Variants in ATAD5 observed in about 807,000 individuals in gnomAD.
ATAD5 encodes the protein ATPase family AAA domain-containing protein 5.
Under a neutral mutation model 176.9 loss-of-function variants are expected in ATAD5, and 58 were observed. That is an observed-to-expected ratio of 0.33 (90% CI 0.27 to 0.41). ATAD5 has a LOEUF of 0.41. Ranked by LOEUF, ATAD5 falls within the 10% of genes least tolerant of loss-of-function variation. ATAD5 has a pLI of 1.00. For missense variants in ATAD5, 1,789 were observed against 2,094.1 expected (o/e 0.85, Z 2.84); for synonymous variants, 640 against 712.6 (o/e 0.90, Z 1.62).
intron 9 of ATAD5, among the ~76,000 whole-genome samples, chr17:30,858,937 T>C (rs1013602911): frequency 6.6e-6 from 1 of 152,214 alleles, no homozygotes; most frequent in Admixed American, 6.5e-5. Context: ...GGTCTTGCCA[T>C]GTTGCCCAGG....
chr17:30,860,055 A>G (rs1907531241), intron 9 of ATAD5, among the ~76,000 whole-genome samples: 1 of 151,790 alleles, frequency 6.6e-6, no homozygotes, highest in African/African-American at 2.4e-5. Context: ...ACAGGGTCTC[A>G]CTTTGTCGCC....
chr17:30,860,704 T>C, intron 10 of ATAD5, 92 bp downstream of exon 10: 1 of 1,015,950 alleles, frequency 9.8e-7, no homozygotes, highest in South Asian at 2.3e-5. Context: ...ATATGCTTTT[T>C]AAAAAATTTT....
At chr17:30,868,927 C>T (rs2142396730) in intron 12 of ATAD5, among the ~76,000 whole-genome samples, 1 of 148,032 alleles carries the variant, frequency 6.8e-6, no homozygotes, top group South Asian at 2.2e-4. Flanking sequence ...ACCTCCACCT[C>T]CTGGGTTCAA....
At chr17:30,854,926 T>C (rs1216718904) in intron 6 of ATAD5, among the ~76,000 whole-genome samples, 4 of 151,942 alleles carry the variant, frequency 2.6e-5, no homozygotes, top group Non-Finnish European at 4.4e-5. Flanking sequence ...ACCTGGCTAA[T>C]TTTTGTATTT....
chr17:30,844,333 A>C (rs932282670), intron 5 of ATAD5, among the ~76,000 whole-genome samples: 2 of 151,840 alleles, frequency 1.3e-5, no homozygotes, highest in African/African-American at 2.4e-5. Flanking sequence ...GGGTTTCACC[A>C]TGTTAGCCAG....
intron 22 of ATAD5, 50 bp from the exon 23 acceptor site, chr17:30,894,785 A>C: frequency 6.5e-7 from 1 of 1,548,688 alleles, no homozygotes; most frequent in East Asian, 2.3e-5. Flanking sequence ...ATATTTTCAT[A>C]AGATGAAAAT....
At position 30,879,450 on chromosome 17, in the gene ATAD5, G is replaced by A. The variant is rs768396417; in HGVS notation, c.4040G>A (p.Gly1347Asp). Residue 1347 changes from glycine (G) to aspartate (D), a missense_variant, in exon 18 of 23, where the codon GGC becomes GAC. Physicochemically the swap from Gly to Asp is moderately conservative, Grantham distance 94. Around this residue, in one of 6 missense-constraint regions of ATAD5, gnomAD observed 194 missense variants for 270.1 expected, o/e 0.72. Transcript: ENST00000321990. ...CCAACATTTAGTTTAATGTTTGATG[G>A]CTGCTTTGAAGAAATCAAGTTCAGT... ...SDPTFSLMFD[G>D]CFEEIKFSTP... The A allele has an allele frequency of 6.3e-7, 1 of 1,589,884 alleles. No homozygotes were observed. The highest frequency in any genetic ancestry group is 8.5e-7 in the Non-Finnish European group (1 of 1,173,346).
chr17:30,891,088 A>G (rs1013586941), intron 19 of ATAD5, among the ~76,000 whole-genome samples: 3 of 152,160 alleles, frequency 2.0e-5, no homozygotes, highest in African/African-American at 7.2e-5. Flanking sequence ...AAATGTCTGT[A>G]ATATTGATGG....
chr17:30,859,703 C>T (rs1485724469), intron 9 of ATAD5, among the ~76,000 whole-genome samples: 5 of 149,176 alleles, frequency 3.4e-5, no homozygotes, highest in Non-Finnish European at 7.4e-5. Context: ...CTTTGTTGCC[C>T]AGGCTAGAAT....
Position 30,869,582 on chromosome 17 carries a change from C to A in ATAD5, c.3543C>A (p.Asp1181Glu). Reference protein sequence around the residue: ...LKEATQSHQVDKQGVNSQKPC... With the variant: ...LKEATQSHQVEKQGVNSQKPC... ...AAGCTACTCAGTCCCATCAAGTAGA[C>A]AAACAAGGTGTAAACTCACAAAAAC... is the stretch of plus-strand genomic sequence containing the variant. The change falls in exon 14 of 23, where the codon GAC becomes GAA. Residue 1181 changes from aspartate (D) to glutamate (E), a missense_variant. Asp to Glu is a conservative substitution (Grantham distance 45, BLOSUM62 2). Around this residue, in one of 6 missense-constraint regions of ATAD5, gnomAD observed 194 missense variants for 270.1 expected, o/e 0.72. Transcript: ENST00000321990. The A allele has an allele frequency of 1.2e-6, 2 of 1,608,718 alleles. No individual in the cohort carries two copies. The highest frequency in any genetic ancestry group is 1.1e-5 in the South Asian group (1 of 89,532).
At chr17:30,878,744 T>G (rs949836359) in intron 17 of ATAD5, among the ~76,000 whole-genome samples, 1 of 133,712 alleles carries the variant, frequency 7.5e-6, no homozygotes, top group African/African-American at 2.8e-5. Context: ...TTTTTTTTTT[T>G]TTTTGGAGAC....
At chr17:30,850,859 ATATATATATATTTTTTTTTTTTTT>A (rs1906890767) in intron 6 of ATAD5, among the ~76,000 whole-genome samples, 5 of 28,560 alleles carry the variant, frequency 1.8e-4, no homozygotes, top group Admixed American at 5.5e-4. Flanking sequence ...ATATATATAT[ATATATATATATTTTTTTTTTTTTT>A]TTTTTTTTTT....
chr17:30,844,162 T>C, intron 5 of ATAD5, 123 bp downstream of exon 5: 2 of 918,766 alleles, frequency 2.2e-6, no homozygotes, highest in Non-Finnish European at 2.9e-6. Context: ...GGAGTCTCGC[T>C]TTGTCACTCA....
At chr17:30,856,159 G>A (rs1271408986) in intron 7 of ATAD5, among the ~76,000 whole-genome samples, 2 of 152,216 alleles carry the variant, frequency 1.3e-5, no homozygotes, top group African/African-American at 4.8e-5. Flanking sequence ...GGCAAGCACA[G>A]AGGGAACCTC....
At chr17:30,866,697 C>T (rs568545947) in intron 11 of ATAD5, among the ~76,000 whole-genome samples, 1 of 152,050 alleles carries the variant, frequency 6.6e-6, no homozygotes, top group Non-Finnish European at 1.5e-5. Context: ...CGCCTGTAAT[C>T]CTGGCTACTG....
chr17:30,856,616 A>G (rs934932079), intron 7 of ATAD5, among the ~76,000 whole-genome samples: 1 of 152,138 alleles, frequency 6.6e-6, no homozygotes, highest in Non-Finnish European at 1.5e-5. Flanking sequence ...ACCTCAAGTG[A>G]TCCACCTGCC....
At chr17:30,890,424 T>C (rs1042856028) in intron 19 of ATAD5, among the ~76,000 whole-genome samples, 166 of 143,952 alleles carry the variant, frequency 1.2e-3, no homozygotes, top group African/African-American at 3.7e-3. Context: ...TTTTCTTTTT[T>C]TTTTTTTTTT....
intron 4 of ATAD5, 76 bp from the exon 5 acceptor site, chr17:30,843,837 C>T: frequency 1.2e-6 from 1 of 865,140 alleles, no homozygotes; most frequent in Admixed American, 3.7e-5. Context: ...TGGTTTCTAT[C>T]ACTGTGATTC....
intron 11 of ATAD5, among the ~76,000 whole-genome samples, chr17:30,866,028 G>T (rs1353227129): frequency 1.3e-5 from 2 of 151,690 alleles, no homozygotes; most frequent in Non-Finnish European, 2.9e-5. Context: ...GCATATGTTA[G>T]TTCCTTCCTT....
Sources: allele counts gnomAD v4.1 joint callset (sites outside exome capture counted in the v4.1 genomes callset), GRCh38; gene constraint gnomAD v4.1.1; regional missense constraint gnomAD v4.1.1; transcripts MANE v1.5; gene names NCBI Gene and HGNC (gene_info 2026-07-23, HGNC 2026-07-21).